The following KIF3C variants were observed in gnomAD, a reference collection of about 807,000 sequenced individuals.
KIF3C encodes the protein kinesin family member 3C, also known as kinesin-like protein KIF3C.
Under a neutral mutation model 67.7 loss-of-function variants are expected in KIF3C, and 12 were observed. That is an observed-to-expected ratio of 0.18 (90% CI 0.11 to 0.29). The LOEUF is 0.29. Among genes scored for constraint, KIF3C ranks in the 10% least tolerant of loss-of-function variants. The pLI is 1.00. For synonymous variants in KIF3C, 393 were observed against 426.2 expected, an observed-to-expected ratio of 0.92 and a Z score of 0.96; for missense variants, 789 against 1,059.6, an observed-to-expected ratio of 0.74 and a Z score of 3.55.
At position 25,928,974 on chromosome 2, in the gene KIF3C, G is replaced by C. The variant is rs2090434482; in HGVS notation, c.*4C>G. ...ATTGGATGGGCAGCCTGACGTGATG[G>C]TTGTCACTCATGGTCCGCCACTGTT... On this transcript the variant is annotated 3_prime_UTR_variant, in exon 8 of 8. Coordinates refer to ENST00000264712, the MANE Select transcript of KIF3C (RefSeq NM_002254.8). 7 of 1,612,164 alleles carry C rather than the reference G, an allele frequency of 4.3e-6. No homozygotes were observed. Among genetic ancestry groups the C allele is most frequent in the Non-Finnish European group, 5.9e-6 (7 of 1,179,348 alleles).
chr2:25,929,922 C>T lies in KIF3C; in HGVS notation c.2115+33G>A, dbSNP rs1467647486. On this transcript the variant is annotated intron_variant, in intron 6 of 7. Coordinates refer to ENST00000264712, the MANE Select transcript of KIF3C (RefSeq NM_002254.8). ...TGAGACACCTCGCCCGGCCTCCCTC[C>T]CGTAGGCTCTTTCTCCCCTCTCCGC... is the stretch of plus-strand genomic sequence containing the variant. 2.0e-6 allele frequency: 3 copies of T among 1,490,840 alleles called. No homozygotes were observed. In the Admixed American group the frequency reaches 5.0e-5, roughly 25 times the overall value. 92.4% of individuals were successfully genotyped at this position (1,490,840 alleles called of 1,614,324 possible).
rs1263212447 is a variant in KIF3C, at chr2:25,981,098, C to T, written c.820G>A (p.Gly274Ser). Reference protein sequence around the residue: ...AATPSSGGGGGGGGSGGGAGG... With the variant: ...AATPSSGGGGSGGGSGGGAGG... ...GCACCACCACCACTGCCTCCACCGCCACCACCGCCACCCGAGGATGGTGTG... is the reference window on the plus strand; with the variant it reads ...GCACCACCACCACTGCCTCCACCGCTACCACCGCCACCCGAGGATGGTGTG... The change falls in exon 1 of 8, where the codon GGC becomes AGC. Residue 274 changes from glycine (G) to serine (S), a missense_variant. Physicochemically the swap from Gly to Ser is moderately conservative, Grantham distance 56 (BLOSUM62 0). Coordinates refer to ENST00000264712, the MANE Select transcript of KIF3C (RefSeq NM_002254.8). This position sits in a 1 kb window ranked among gnomAD's most constrained non-coding sequence, Gnocchi z 8.2. 1 of 1,614,034 alleles carries T rather than the reference C, an allele frequency of 6.2e-7. No individual in the cohort carries two copies. The highest frequency in any genetic ancestry group is 2.2e-5 in the East Asian group (1 of 44,896).
chr2:25,948,538 A>G (rs942023723), intron 5 of KIF3C, among the ~76,000 whole-genome samples: 13 of 152,078 alleles, frequency 8.5e-5, no homozygotes, highest in Non-Finnish European at 1.9e-4. Flanking sequence ...AGACTCAAGA[A>G]AAAAGAAAGC....
intron 5 of KIF3C, among the ~76,000 whole-genome samples, chr2:25,939,834 C>A (rs534535781): frequency 5.3e-5 from 8 of 152,002 alleles, no homozygotes; most frequent in Non-Finnish European, 1.2e-4. Flanking sequence ...CCTATAATCC[C>A]AGCTACTCAG....
Position 25,982,159 on chromosome 2 carries a change from T to G in KIF3C, c.-242A>C. 2.3e-6 allele frequency: 1 copy of G among 436,518 alleles called. No homozygotes were observed. Among genetic ancestry groups the G allele is most frequent in the Admixed American group, 4.1e-5 (1 of 24,666 alleles). 27.0% of individuals were successfully genotyped at this position (436,518 alleles called of 1,614,324 possible). A position where few individuals can be genotyped will look rare whatever the true frequency, so the allele number is the denominator to read the frequency against. On this transcript the variant is annotated 5_prime_UTR_variant, in exon 1 of 8. Transcript: ENST00000264712. ...AGGTGAATTAGGCAGAATCCCCCAG[T>G]CGCCGCGGGAGCAGCGCCTGCCGAG...
At chr2:25,954,074 G>A in intron 4 of KIF3C, 193 bp downstream of exon 4, 2 of 617,040 alleles carry the variant, frequency 3.2e-6, no homozygotes, top group Non-Finnish European at 5.8e-6. Context: ...CATTTTGAGG[G>A]GTTCATCAAA....
rs1663423627 is a variant in KIF3C at position 25,946,018 on chromosome 2, CAGG to C, written c.2006+5768_2006+5770del. Among the ~76,000 whole-genome samples the C allele has an allele frequency of 6.6e-5, 10 of 151,942 alleles. No homozygotes were observed. The South Asian group carries it at 1.9e-3, about 28-fold the overall frequency. On this transcript the variant is annotated intron_variant, in intron 5 of 7. Coordinates refer to ENST00000264712, the MANE Select transcript of KIF3C (RefSeq NM_002254.8). Reference sequence around the variant, plus strand: ...ATCCCAGCTACTCAGGAGGCTGAGGCAGGAGAATTGCTTCAGCCTGGGAGGCAG... The same window carrying C: ...ATCCCAGCTACTCAGGAGGCTGAGGCAGAATTGCTTCAGCCTGGGAGGCAG...
chr2:25,968,430 A>G (rs1160759575), intron 1 of KIF3C, among the ~76,000 whole-genome samples: 3 of 152,172 alleles, frequency 2.0e-5, no homozygotes, highest in African/African-American at 7.2e-5. Context: ...CCTTGAAAAA[A>G]AGCAGGAAGG....
rs919007312 is a variant in KIF3C at position 25,928,149 on chromosome 2, T to G, written c.*829A>C. On this transcript the variant is annotated 3_prime_UTR_variant, in exon 8 of 8. Coordinates refer to ENST00000264712, the MANE Select transcript of KIF3C (RefSeq NM_002254.8). Reference sequence around the variant, plus strand: ...GCCTCTTGAAAATGGGGAGTTGCCTTGAGAGCCTGTCGACCAAAATGACTC... The same window carrying G: ...GCCTCTTGAAAATGGGGAGTTGCCTGGAGAGCCTGTCGACCAAAATGACTC... 4 of 152,288 alleles carry G rather than the reference T, an allele frequency of 2.6e-5. No individual in the cohort carries two copies. The highest frequency in any genetic ancestry group is 9.7e-5 in the African/African-American group (4 of 41,434). The allele number at this position is 152,288 out of a possible 1,614,324, so 9.4% of individuals were successfully genotyped here.
At chr2:25,969,877 A>C (rs1664235624) in intron 1 of KIF3C, among the ~76,000 whole-genome samples, 1 of 152,076 alleles carries the variant, frequency 6.6e-6, no homozygotes, top group South Asian at 2.1e-4. Flanking sequence ...CACCATGCCC[A>C]GCTAATTTTT....
At chr2:25,975,657 C>A (rs1329558030) in intron 1 of KIF3C, among the ~76,000 whole-genome samples, 3 of 152,068 alleles carry the variant, frequency 2.0e-5, no homozygotes, top group Admixed American at 2.0e-4. Context: ...GTTTTCTCAT[C>A]TATAAAACAA....
Position 25,954,324 on chromosome 2 carries a change from C to A in KIF3C, c.1832G>T (p.Arg611Leu). The change falls in exon 4 of 8, where the codon CGC becomes CTC. Residue 611 changes from arginine (R) to leucine (L), a missense_variant. Arg to Leu is a moderately radical substitution (Grantham distance 102, BLOSUM62 -2). Coordinates refer to ENST00000264712, the MANE Select transcript of KIF3C (RefSeq NM_002254.8). ...EIQDQHDEYI[R>L]VRQDLEEAQN... ...CGCCTCCTCCAGGTCCTGCCGCACG[C>A]GGATATACTCATCATGCTGGTCCTG... is the stretch of plus-strand genomic sequence containing the variant. The A allele has an allele frequency of 2.5e-6, 4 of 1,614,106 alleles. No individual in the cohort carries two copies. The highest frequency in any genetic ancestry group is 3.4e-6 in the Non-Finnish European group (4 of 1,179,998).
chr2:25,955,389 T>A lies in KIF3C; in HGVS notation c.1770+152A>T. The A allele has an allele frequency of 5.1e-6, 4 of 789,050 alleles. No homozygotes were observed. Among genetic ancestry groups the A allele is most frequent in the East Asian group, 5.6e-5 (2 of 35,986 alleles). The allele number at this position is 789,050 out of a possible 1,614,324, so 48.9% of individuals were successfully genotyped here. Reference sequence around the variant, plus strand: ...CCACCCCCAGCCCCCGCCTCCTGCCTCCCCCTGTTGCTCACCCCCGAGGCC... The same window carrying A: ...CCACCCCCAGCCCCCGCCTCCTGCCACCCCCTGTTGCTCACCCCCGAGGCC... On this transcript the variant is annotated intron_variant, in intron 3 of 7. Coordinates refer to ENST00000264712, the MANE Select transcript of KIF3C (RefSeq NM_002254.8). The surrounding 1 kb of genome is among the most constrained non-coding windows in gnomAD (Gnocchi z 5.0).
At chr2:25,931,740 T>G (rs1482901407) in intron 5 of KIF3C, among the ~76,000 whole-genome samples, 1 of 151,072 alleles carries the variant, frequency 6.6e-6, no homozygotes, top group Non-Finnish European at 1.5e-5. Flanking sequence ...TGAGTTCAAG[T>G]GATTCTTGTG....
At position 25,981,894 on chromosome 2, in the gene KIF3C, G is replaced by T; in HGVS notation, c.24C>A (p.Ser8Arg). The T allele has an allele frequency of 2.6e-6, 4 of 1,566,622 alleles. No homozygotes were observed. Among genetic ancestry groups the T allele is most frequent in the Non-Finnish European group, 3.5e-6 (4 of 1,158,502 alleles). MASKTKA[S>R]EALKVVARCR... ...ACCGGGCCACCACCTTGAGGGCCTC[G>T]CTGGCCTTGGTCTTACTGGCCATCT... Residue 8 changes from serine to arginine, a missense_variant, in exon 1 of 8, where the codon AGC (serine) becomes AGA (arginine). Ser to Arg is a moderately radical substitution (Grantham distance 110, BLOSUM62 -1). Transcript: ENST00000264712. This position sits in a 1 kb window ranked among gnomAD's most constrained non-coding sequence, Gnocchi z 8.2.
chr2:25,947,861 AG>A (rs1663487402), intron 5 of KIF3C, among the ~76,000 whole-genome samples: 1 of 152,140 alleles, frequency 6.6e-6, no homozygotes, highest in Non-Finnish European at 1.5e-5. Flanking sequence ...AATTGAAGTA[AG>A]GGTTACTTAA....
At position 25,980,517 on chromosome 2, in the gene KIF3C, C is replaced by A; in HGVS notation, c.1401G>T (p.Arg467=). The A allele has an allele frequency of 6.2e-7, 1 of 1,614,162 alleles. No homozygotes were observed. Among genetic ancestry groups the A allele is most frequent in the South Asian group, 1.1e-5 (1 of 91,088 alleles). The stretch of plus-strand genomic sequence containing the variant: ...GGATGGCTGCCTTCTCCTCCTCCAG[C>A]CGCTCCTTCTGTTCCTGCAGGTAAT... ...MENYLQEQKE[R]LEEEKAAIQD... Residue 467 remains arginine (R), a synonymous_variant, in exon 1 of 8, where the codon CGG becomes CGT. Transcript: ENST00000264712. The surrounding 1 kb of genome is among the most constrained non-coding windows in gnomAD (Gnocchi z 7.6).
intron 5 of KIF3C, among the ~76,000 whole-genome samples, chr2:25,939,079 T>G (rs1456182086): frequency 6.6e-6 from 1 of 152,006 alleles, no homozygotes; most frequent in Non-Finnish European, 1.5e-5. Context: ...CTGCAACCTC[T>G]GCCTCCCAGA....
rs1467753240 is a variant in KIF3C at position 25,980,641 on chromosome 2, A to G, written c.1277T>C (p.Val426Ala). Residue 426 changes from valine (V) to alanine (A), a missense_variant, in exon 1 of 8, where the codon GTG (valine) becomes GCG (alanine). Coordinates refer to ENST00000264712, the MANE Select transcript of KIF3C (RefSeq NM_002254.8). The surrounding 1 kb of genome is among the most constrained non-coding windows in gnomAD (Gnocchi z 7.6). ...SAPPGYPEGPVIEAWVAEEED... is the reference protein window; with the variant it reads ...SAPPGYPEGPAIEAWVAEEED... ...CTCTTCTGCCACCCAGGCCTCAATC[A>G]CTGGGCCCTCAGGGTACCCAGGCGG... is the stretch of plus-strand genomic sequence containing the variant. The G allele has an allele frequency of 1.2e-6, 2 of 1,613,526 alleles. No individual in the cohort carries two copies. The highest frequency in any genetic ancestry group is 1.7e-5 in the Admixed American group (1 of 59,972).
Sources: allele counts gnomAD v4.1 joint callset (sites outside exome capture counted in the v4.1 genomes callset), GRCh38; gene constraint gnomAD v4.1.1; non-coding constraint Gnocchi (gnomAD v3.1); transcripts MANE v1.5; gene names NCBI Gene and HGNC (gene_info 2026-07-23, HGNC 2026-07-21).